Variants in EDIL3 observed in about 807,000 individuals in gnomAD.
EDIL3 encodes EGF like and discoidin domains 3.
In EDIL3, 37 loss-of-function variants were observed where a neutral mutation model predicts 67.4. The ratio of observed to expected loss-of-function variants is 0.55; its 90% CI spans 0.42 to 0.72. The LOEUF (loss-of-function observed/expected upper bound fraction) is 0.72. Ranked by LOEUF, EDIL3 falls within the 30% of genes least tolerant of loss-of-function variation. EDIL3 has a pLI of 0.00. For missense variants in EDIL3, 527 were observed against 586.3 expected (o/e 0.90, Z 1.04); for synonymous variants, 195 against 196.3 (o/e 0.99, Z 0.05).
Position 83,949,052 on chromosome 5 carries a change from T to C in EDIL3, c.1294-5484A>G, listed in dbSNP as rs79981387. 4.5e-4 allele frequency among the ~76,000 whole-genome samples: 68 copies of C among 151,980 alleles called. No individual in the cohort carries two copies. The East Asian group carries it at 0.013, about 29-fold the overall frequency. ...AATAGTGATATTGAGAATTATATTC[T>C]AAGAGGGTCACCAAAAAAGTAGGGG... On this transcript the variant is annotated intron_variant, in intron 10 of 10. Transcript: ENST00000296591.
chr5:84,175,364 T>C (rs1356688379), intron 4 of EDIL3, among the ~76,000 whole-genome samples: 1 of 152,194 alleles, frequency 6.6e-6, no homozygotes, highest in Admixed American at 6.5e-5. Flanking sequence ...TAAAAAATTA[T>C]AATTGTTTTT....
At chr5:84,318,671 G>A (rs1441945632) in intron 1 of EDIL3, among the ~76,000 whole-genome samples, 1 of 152,154 alleles carries the variant, frequency 6.6e-6, no homozygotes, top group Non-Finnish European at 1.5e-5. Context: ...ATGGATTAAA[G>A]ATTTAAATGT....
intron 4 of EDIL3, among the ~76,000 whole-genome samples, chr5:84,168,392 C>A (rs112553658): frequency 2.0e-5 from 3 of 152,172 alleles, no homozygotes; most frequent in African/African-American, 7.2e-5. Flanking sequence ...AATTCAACAT[C>A]CTAAATAGCA....
At chr5:84,294,757 T>C (rs78042846) in intron 1 of EDIL3, among the ~76,000 whole-genome samples, 2,056 of 152,274 alleles carry the variant, frequency 0.014, 55 homozygotes, top group African/African-American at 0.047. Flanking sequence ...ACTTACTGAG[T>C]GTCAGGTGCT....
chr5:84,262,659 G>GTTTTTTATTTTTTT (rs1745251121), intron 1 of EDIL3, among the ~76,000 whole-genome samples: 1 of 46,310 alleles, frequency 2.2e-5, no homozygotes, highest in Non-Finnish European at 3.6e-5. Context: ...AGGTTGGTTG[G>GTTTTTTATTTTTTT]TTTTTTTTTT....
At chr5:84,162,842 T>C (rs776367093) in intron 4 of EDIL3, among the ~76,000 whole-genome samples, 1 of 152,110 alleles carries the variant, frequency 6.6e-6, no homozygotes, top group Non-Finnish European at 1.5e-5. Context: ...GCTTAGGCCA[T>C]AGCCCCTTGT....
chr5:84,079,936 A>G (rs1561424908), intron 6 of EDIL3, among the ~76,000 whole-genome samples: 1 of 151,804 alleles, frequency 6.6e-6, no homozygotes, highest in African/African-American at 2.4e-5. Context: ...TTGGGTGGTG[A>G]GAAGCATCAT....
At chr5:83,970,358 G>T (rs1650181461) in intron 9 of EDIL3, among the ~76,000 whole-genome samples, 1 of 145,868 alleles carries the variant, frequency 6.9e-6, no homozygotes, top group African/African-American at 2.5e-5. Context: ...TATTTATATA[G>T]TATCATATGT....
intron 9 of EDIL3, among the ~76,000 whole-genome samples, chr5:84,017,159 TC>T (rs1280787211): frequency 2.6e-5 from 4 of 152,128 alleles, no homozygotes; most frequent in Admixed American, 1.3e-4. Flanking sequence ...CTCTCATATT[TC>T]CCCCCACATT....
chr5:84,047,856 C>T (rs1216706775), intron 9 of EDIL3: 1 of 152,482 alleles, frequency 6.6e-6, no homozygotes. Context: ...ATTTTCTGTA[C>T]AAATGTCCTT....
At chr5:84,314,905 A>G (rs1418055292) in intron 1 of EDIL3, among the ~76,000 whole-genome samples, 1 of 152,164 alleles carries the variant, frequency 6.6e-6, no homozygotes, top group African/African-American at 2.4e-5. Context: ...TATTTAAAAT[A>G]TAAATATTTT....
At chr5:84,042,654 T>A (rs1746153646) in intron 9 of EDIL3, among the ~76,000 whole-genome samples, 1 of 152,064 alleles carries the variant, frequency 6.6e-6, no homozygotes, top group Non-Finnish European at 1.5e-5. Flanking sequence ...TCCTTTAAAT[T>A]TTTTTTATTT....
intron 4 of EDIL3, among the ~76,000 whole-genome samples, chr5:84,153,575 G>A (rs1441172555): frequency 6.6e-6 from 1 of 151,630 alleles, no homozygotes; most frequent in East Asian, 1.9e-4. Context: ...CAATTCTCCT[G>A]TCTCAGCCTC....
At chr5:84,151,377 T>G (rs1048587990) in intron 4 of EDIL3, among the ~76,000 whole-genome samples, 1 of 152,076 alleles carries the variant, frequency 6.6e-6, no homozygotes, top group African/African-American at 2.4e-5. Context: ...GAAAGGTTTT[T>G]GTACAATATA....
At chr5:84,225,845 A>G (rs1020929789) in intron 3 of EDIL3, among the ~76,000 whole-genome samples, 11 of 151,756 alleles carry the variant, frequency 7.2e-5, no homozygotes, top group Middle Eastern at 3.4e-3. Flanking sequence ...TCCACTAGGA[A>G]CTTACATTTT....
At chr5:84,270,104 T>A (rs1225993272) in intron 1 of EDIL3, among the ~76,000 whole-genome samples, 1 of 152,240 alleles carries the variant, frequency 6.6e-6, no homozygotes, top group East Asian at 1.9e-4. Flanking sequence ...ATTTAAATAT[T>A]CTTCATTGTG....
At chr5:84,384,162 C>G (rs1170029756) in intron 1 of EDIL3, 146 bp downstream of exon 1, 2 of 977,436 alleles carry the variant, frequency 2.0e-6, no homozygotes, top group East Asian at 5.1e-5. Flanking sequence ...TCTCGGGGCA[C>G]CCAGGACTCG....
chr5:84,148,787 T>A (rs769950145), intron 4 of EDIL3, among the ~76,000 whole-genome samples: 11 of 152,116 alleles, frequency 7.2e-5, no homozygotes, highest in Non-Finnish European at 1.0e-4. Context: ...AAATGCTGTC[T>A]CCAAGCCATT....
intron 9 of EDIL3, among the ~76,000 whole-genome samples, chr5:84,034,037 A>G (rs939051186): frequency 1.3e-5 from 2 of 152,196 alleles, no homozygotes; most frequent in Non-Finnish European, 2.9e-5. Flanking sequence ...TGGTGGACAT[A>G]ATATCTGTGT....
Sources: gnomAD v4.1 joint callset for allele counts (sites outside exome capture counted in the v4.1 genomes callset) on GRCh38, gnomAD v4.1.1 for gene constraint, MANE v1.5 for transcripts, NCBI Gene and HGNC (gene_info 2026-07-23, HGNC 2026-07-21) for gene names.